The following PCDHA9 variants were observed in gnomAD, a reference collection of about 807,000 sequenced individuals.
PCDHA9 encodes protocadherin alpha 9.
In PCDHA9, 62 loss-of-function variants were observed where a neutral mutation model predicts 62.0. That is an observed-to-expected ratio of 1.00 (90% CI 0.81 to 1.23). PCDHA9 has a LOEUF of 1.23. Among genes scored for constraint, PCDHA9 ranks in the 50% most tolerant of loss-of-function variants. The pLI is 0.00. For missense variants in PCDHA9, 1,205 were observed against 1,249.8 expected, an observed-to-expected ratio of 0.96 and a Z score of 0.54; for synonymous variants, 557 against 567.6, an observed-to-expected ratio of 0.98 and a Z score of 0.27.
chr5:140,924,887 C>A (rs528979895), intron 1 of PCDHA9, among the ~76,000 whole-genome samples: 1 of 126,448 alleles, frequency 7.9e-6, no homozygotes, highest in African/African-American at 3.2e-5. Flanking sequence ...AGAGCAAGAA[C>A]CTGTCTCAAA....
chr5:140,929,511 G>T, intron 1 of PCDHA9: 1 of 781,088 alleles, frequency 1.3e-6, no homozygotes, highest in Non-Finnish European at 1.8e-6. Flanking sequence ...AGGCCTCAAG[G>T]GACTTATAGT....
intron 1 of PCDHA9, chr5:140,928,753 G>A (rs782483181): frequency 1.2e-6 from 2 of 1,614,142 alleles, no homozygotes; most frequent in Non-Finnish European, 8.5e-7. Flanking sequence ...GCTCCGTACT[G>A]CTCGCTTAGT....
At chr5:140,906,502 CAAAG>C (rs1295778527) in intron 1 of PCDHA9, among the ~76,000 whole-genome samples, 1 of 152,180 alleles carries the variant, frequency 6.6e-6, no homozygotes, top group African/African-American at 2.4e-5. Context: ...ATGTTTTTAA[CAAAG>C]AAGGAGGAAA....
intron 3 of PCDHA9, among the ~76,000 whole-genome samples, chr5:140,990,473 C>G (rs1268910696): frequency 6.6e-6 from 1 of 152,186 alleles, no homozygotes; most frequent in Non-Finnish European, 1.5e-5. Flanking sequence ...TATCATGTAT[C>G]AAGCTGAATA....
At position 140,968,861 on chromosome 5, in the gene PCDHA9, C is replaced by G; in HGVS notation, c.2395-10088C>G. 1.9e-6 allele frequency: 3 copies of G among 1,614,182 alleles called. No homozygotes were observed. In the South Asian group the frequency reaches 3.3e-5, roughly 18 times the overall value. ...CACTCAGAGGCATGTTAAGAGCCCT[C>G]GGACATACTCTGAAATTACCCTTTA... is the stretch of plus-strand genomic sequence containing the variant. On this transcript the variant is annotated intron_variant, in intron 1 of 3. Coordinates refer to ENST00000532602, the MANE Select transcript of PCDHA9 (RefSeq NM_031857.2).
chr5:140,925,641 TATAATAATAATAATAATA>T (rs10569930), intron 1 of PCDHA9, among the ~76,000 whole-genome samples: 1 of 143,358 alleles, frequency 7.0e-6, no homozygotes, highest in African/African-American at 2.5e-5. Context: ...GAACTTAAAG[TATAATAATAATAATAATA>T]ATAATAATAA....
intron 1 of PCDHA9, among the ~76,000 whole-genome samples, chr5:140,899,099 A>G (rs1379248424): frequency 6.6e-6 from 1 of 152,162 alleles, no homozygotes; most frequent in African/African-American, 2.4e-5. Context: ...GGCTGAGATA[A>G]TGGGGTTTTC....
At chr5:140,967,059 C>T in intron 1 of PCDHA9, 1 of 1,612,750 alleles carries the variant, frequency 6.2e-7, no homozygotes, top group Non-Finnish European at 8.5e-7. Flanking sequence ...ACGAGTGGAG[C>T]GCTCTTCGTC....
chr5:140,849,171 G>A lies in PCDHA9; in HGVS notation c.676G>A (p.Val226Ile), dbSNP rs1554142799. 3 of 1,114,430 alleles carry A rather than the reference G, an allele frequency of 2.7e-6. No individual in the cohort carries two copies. The highest frequency in any genetic ancestry group is 1.5e-5 in the South Asian group (1 of 67,520). 69.0% of individuals were successfully genotyped at this position (1,114,430 alleles called of 1,614,324 possible). A position where few individuals can be genotyped will look rare whatever the true frequency, so the allele number is the denominator to read the frequency against. ...DGGKPELTGT[V>I]QLLITVLDNN... ...AGGCAAACCCGAGCTGACTGGCACC[G>A]TTCAATTACTCATCACGGTACTGGA... The change falls in exon 1 of 4, where the codon GTT (valine) becomes ATT (isoleucine). Residue 226 changes from valine to isoleucine, a missense_variant. Val to Ile is a conservative substitution (Grantham distance 29). This residue lies in a region of PCDHA9 where 110 missense variants were observed against 227.2 expected (regional missense o/e 0.48). Transcript: ENST00000532602.
chr5:140,909,268 A>C (rs946921668), intron 1 of PCDHA9, among the ~76,000 whole-genome samples: 1 of 152,240 alleles, frequency 6.6e-6, no homozygotes. Context: ...ACTGAAGGCA[A>C]ATTGCTTCTG....
chr5:140,955,022 A>G (rs1468442096), intron 1 of PCDHA9, among the ~76,000 whole-genome samples: 2 of 152,182 alleles, frequency 1.3e-5, no homozygotes, highest in Non-Finnish European at 2.9e-5. Flanking sequence ...ACCATTTATT[A>G]AATAGGGAAT....
chr5:140,856,716 G>A, intron 1 of PCDHA9: 1 of 1,596,628 alleles, frequency 6.3e-7, no homozygotes. Context: ...GAATTTACCG[G>A]ATCTGTTTCT....
At chr5:140,951,560 C>T (rs2094602519) in intron 1 of PCDHA9, among the ~76,000 whole-genome samples, 1 of 151,998 alleles carries the variant, frequency 6.6e-6, no homozygotes. Flanking sequence ...AAGTGCTACG[C>T]ACTTTTAAAC....
chr5:140,858,391 T>C lies in PCDHA9; in HGVS notation c.2394+7502T>C, dbSNP rs1214576702. On this transcript the variant is annotated intron_variant, in intron 1 of 3. Transcript: ENST00000532602. ...GCCTTCCACCATGCCCAATGGTAGA[T>C]GTGGACGGGGAAGATCAGTCTATTG... is the stretch of plus-strand genomic sequence containing the variant. 12 of 1,577,710 alleles carry C rather than the reference T, an allele frequency of 7.6e-6. 1 individual carries two copies. Among genetic ancestry groups the C allele is most frequent in the African/African-American group, 1.4e-5 (1 of 74,060 alleles).
intron 1 of PCDHA9, chr5:140,967,190 AACG>A (rs781897780): frequency 6.2e-7 from 1 of 1,613,418 alleles, no homozygotes; most frequent in Non-Finnish European, 8.5e-7. Context: ...ATTGGACATC[AACG>A]ACAACTCACC....
rs1195696269 is a variant in PCDHA9, at chr5:141,010,821, TTTG to T, written c.*890_*892del. ...AACCCCGACACCTCACCTTTCGCTG[TTTG>T]TTGTTTCATAGATTTATTTAAAAAA... is the stretch of plus-strand genomic sequence containing the variant. On this transcript the variant is annotated 3_prime_UTR_variant, in exon 4 of 4. Coordinates refer to ENST00000532602, the MANE Select transcript of PCDHA9 (RefSeq NM_031857.2). 3 of 153,772 alleles carry T rather than the reference TTTG, an allele frequency of 2.0e-5. No individual in the cohort carries two copies. The highest frequency in any genetic ancestry group is 4.4e-5 in the Non-Finnish European group (3 of 68,048). 9.5% of individuals were successfully genotyped at this position (153,772 alleles called of 1,614,324 possible).
chr5:140,856,428 A>T, intron 1 of PCDHA9: 1 of 1,598,400 alleles, frequency 6.3e-7, no homozygotes, highest in South Asian at 1.1e-5. Flanking sequence ...GACATTAACG[A>T]CAACCCGCCC....
chr5:140,945,715 A>G (rs145543790), intron 1 of PCDHA9, among the ~76,000 whole-genome samples: 3,564 of 152,270 alleles, frequency 0.023, 50 homozygotes, highest in Middle Eastern at 0.034. Context: ...AAAAGTATCA[A>G]GAATATACAA....
At chr5:140,958,374 A>G (rs953397625) in intron 1 of PCDHA9, among the ~76,000 whole-genome samples, 3 of 152,134 alleles carry the variant, frequency 2.0e-5, no homozygotes, top group African/African-American at 7.2e-5. Context: ...GAATGTTGCT[A>G]TTTTCTTAAC....
Sources: gnomAD v4.1 joint callset for allele counts (sites outside exome capture counted in the v4.1 genomes callset) on GRCh38, gnomAD v4.1.1 for gene constraint, gnomAD v4.1.1 regional missense constraint, MANE v1.5 for transcripts, NCBI Gene and HGNC (gene_info 2026-07-23, HGNC 2026-07-21) for gene names.